GABARAPL2: variants seen among roughly 807,000 people sequenced by gnomAD.
GABARAPL2 encodes the protein GABA type A receptor associated protein like 2.
A neutral mutation model predicts 16.9 loss-of-function variants in GABARAPL2; 11 were observed. The observed-to-expected ratio is 0.65, with a 90% CI of 0.41 to 1.08. GABARAPL2 has a LOEUF of 1.08. Ranked by LOEUF, GABARAPL2 falls within the 50% of genes least tolerant of loss-of-function variation. The pLI is 0.00. For missense variants in GABARAPL2, 134 were observed against 142.5 expected, an observed-to-expected ratio of 0.94 and a Z score of 0.30; for synonymous variants, 57 against 50.7, an observed-to-expected ratio of 1.12 and a Z score of -0.53.
chr16:75,567,113 C>T (rs1193113226), intron 2 of GABARAPL2, among the ~76,000 whole-genome samples: 2 of 152,202 alleles, frequency 1.3e-5, no homozygotes, highest in African/African-American at 4.8e-5. Context: ...GCTGAATCTC[C>T]CGATCTAGGC....
At chr16:75,569,160 G>T (rs2080901094) in intron 3 of GABARAPL2, among the ~76,000 whole-genome samples, 1 of 152,248 alleles carries the variant, frequency 6.6e-6, no homozygotes, top group Admixed American at 6.5e-5. Flanking sequence ...GAAGAGGCCT[G>T]TGCCAAATTC....
At chr16:75,568,725 A>G (rs2080898141) in intron 3 of GABARAPL2, among the ~76,000 whole-genome samples, 2 of 152,354 alleles carry the variant, frequency 1.3e-5, no homozygotes, top group Admixed American at 6.5e-5. Context: ...GTCTCTTTAC[A>G]GACTTATACC....
intron 3 of GABARAPL2, 134 bp from the exon 4 acceptor site, chr16:75,577,145 T>C: frequency 1.6e-6 from 1 of 623,540 alleles, no homozygotes; most frequent in Non-Finnish European, 2.9e-6. Flanking sequence ...TTTCTCTTGC[T>C]TTAAAACAGG....
Position 75,577,596 on chromosome 16 carries a change from T to G in GABARAPL2, c.*227T>G. On this transcript the variant is annotated 3_prime_UTR_variant, in exon 4 of 4. Transcript: ENST00000037243. ...GTGCATTGTCCTCATGCCTGTATTC[T>G]CCAGGAAACTTGTCCTTCTGGAAAT... 2.4e-6 allele frequency: 1 copy of G among 415,492 alleles called. No homozygotes were observed. Among genetic ancestry groups the G allele is most frequent in the Non-Finnish European group, 4.3e-6 (1 of 231,378 alleles). The allele number at this position is 415,492 out of a possible 1,614,324, so 25.7% of individuals were successfully genotyped here. A position where few individuals can be genotyped will look rare whatever the true frequency, so the allele number is the denominator to read the frequency against.
chr16:75,577,121 C>A, intron 3 of GABARAPL2, 158 bp from the exon 4 acceptor site: 1 of 568,902 alleles, frequency 1.8e-6, no homozygotes, highest in East Asian at 2.9e-5. Context: ...TTATTTTAAT[C>A]TTTTTATGGC....
intron 3 of GABARAPL2, chr16:75,572,119 G>C (rs1041967312): frequency 6.6e-6 from 1 of 152,042 alleles, no homozygotes; most frequent in African/African-American, 2.4e-5. Flanking sequence ...CCAAGATCAC[G>C]CCACTGCACT....
intron 2 of GABARAPL2, among the ~76,000 whole-genome samples, chr16:75,567,795 T>A (rs935894816): frequency 1.3e-5 from 2 of 152,222 alleles, no homozygotes; most frequent in Non-Finnish European, 2.9e-5. Flanking sequence ...AGCTTAGTGG[T>A]AAGGGCTGCA....
At chr16:75,574,454 T>G (rs980318843) in intron 3 of GABARAPL2, among the ~76,000 whole-genome samples, 3 of 152,192 alleles carry the variant, frequency 2.0e-5, no homozygotes, top group Non-Finnish European at 2.9e-5. Flanking sequence ...AAGATCACCC[T>G]GGACACTTGG....
chr16:75,566,607 G>C, intron 1 of GABARAPL2, 87 bp downstream of exon 1: 2 of 1,449,352 alleles, frequency 1.4e-6, no homozygotes, highest in African/African-American at 1.4e-5. Flanking sequence ...GGGCCGAGTG[G>C]AGCGGGGCGG....
rs749670434 is a variant in GABARAPL2 at position 75,568,110 on chromosome 16, T to C, written c.164T>C (p.Ile55Thr). Reference sequence around the variant, plus strand: ...CGGAAGTACTTGGTTCCATCTGATATCACTGTGGCTCAGTTCATGTGGATC... The same window carrying C: ...CGGAAGTACTTGGTTCCATCTGATACCACTGTGGCTCAGTTCATGTGGATC... ...DKRKYLVPSD[I>T]TVAQFMWIIR... is the part of the protein sequence containing the mutation. The change falls in exon 3 of 4, where the codon ATC becomes ACC. Residue 55 changes from isoleucine (I) to threonine (T), a missense_variant. Transcript: ENST00000037243. 1.1e-5 allele frequency: 18 copies of C among 1,612,116 alleles called. No individual in the cohort carries two copies. The highest frequency in any genetic ancestry group is 1.3e-5 in the Non-Finnish European group (15 of 1,178,144).
rs530402750 is a variant in GABARAPL2 at position 75,570,483 on chromosome 16, G to A, written c.263+2274G>A. On this transcript the variant is annotated intron_variant, in intron 3 of 3. Coordinates refer to ENST00000037243, the MANE Select transcript of GABARAPL2 (RefSeq NM_007285.7). ...GCATGGAGCCTCCCTTAACCTTCAT[G>A]CAGTGCTTGCTGGCTTCAAAGAGTG... Among the ~76,000 whole-genome samples, 11 of 152,250 alleles carry A rather than the reference G, an allele frequency of 7.2e-5. No individual in the cohort carries two copies. In the South Asian group the frequency reaches 2.3e-3, roughly 32 times the overall value.
At chr16:75,572,561 A>G (rs2080922012) in intron 3 of GABARAPL2, 1 of 152,288 alleles carries the variant, frequency 6.6e-6, no homozygotes, top group Non-Finnish European at 1.5e-5. Context: ...CTTGAGTCAC[A>G]TGGCCATTCC....
Position 75,567,059 on chromosome 16 carries a change from G to A in GABARAPL2, c.90+152G>A. 1.3e-5 allele frequency: 9 copies of A among 675,104 alleles called. 1 individual carries two copies. Among genetic ancestry groups the A allele is most frequent in the South Asian group, 1.2e-4 (7 of 59,834 alleles). The allele number at this position is 675,104 out of a possible 1,614,324, so 41.8% of individuals were successfully genotyped here. On this transcript the variant is annotated intron_variant, in intron 2 of 3. Transcript: ENST00000037243. ...GACCGGGATGAGGCCGCCCAGGGCCGGGGCGTGAGGGGCTCGGGCTGGTGC... is the reference window on the plus strand; with the variant it reads ...GACCGGGATGAGGCCGCCCAGGGCCAGGGCGTGAGGGGCTCGGGCTGGTGC...
chr16:75,573,645 C>T (rs946325571), intron 3 of GABARAPL2, among the ~76,000 whole-genome samples: 2 of 152,246 alleles, frequency 1.3e-5, no homozygotes, highest in African/African-American at 2.4e-5. Flanking sequence ...GATGCAGAGA[C>T]TGGCAGCAGT....
intron 1 of GABARAPL2, 101 bp from the exon 2 acceptor site, chr16:75,566,751 A>G (rs2080885529): frequency 3.3e-6 from 4 of 1,202,624 alleles, no homozygotes; most frequent in Non-Finnish European, 4.9e-6. Context: ...CGCCGGAACC[A>G]GGGCCTGGGT....
At chr16:75,569,596 G>A (rs1455173439) in intron 3 of GABARAPL2, among the ~76,000 whole-genome samples, 1 of 152,154 alleles carries the variant, frequency 6.6e-6, no homozygotes, top group Non-Finnish European at 1.5e-5. Context: ...CTTCCTGGAG[G>A]TGTTGGCTTA....
chr16:75,568,074 A>G lies in GABARAPL2; in HGVS notation c.128A>G (p.Asp43Gly). 1.2e-6 allele frequency: 2 copies of G among 1,609,968 alleles called. No individual in the cohort carries two copies. Among genetic ancestry groups the G allele is most frequent in the Non-Finnish European group, 1.7e-6 (2 of 1,176,516 alleles). The change falls in exon 3 of 4, where the codon GAC becomes GGC. Residue 43 changes from aspartate (D) to glycine (G), a missense_variant. Asp to Gly is a moderately conservative substitution (Grantham distance 94, BLOSUM62 -1). Coordinates refer to ENST00000037243, the MANE Select transcript of GABARAPL2 (RefSeq NM_007285.7). ...VEKVSGSQIV[D>G]IDKRKYLVPS... is the part of the protein sequence containing the mutation. ...AAGGTCTCAGGCTCTCAGATTGTTG[A>G]CATTGACAAACGGAAGTACTTGGTT...
At chr16:75,568,814 G>C (rs1372395784) in intron 3 of GABARAPL2, among the ~76,000 whole-genome samples, 1 of 152,226 alleles carries the variant, frequency 6.6e-6, no homozygotes, top group Non-Finnish European at 1.5e-5. Flanking sequence ...CTTGTGGCCT[G>C]AATGTAGGCA....
intron 3 of GABARAPL2, chr16:75,576,624 G>A (rs764594892): frequency 2.6e-5 from 4 of 152,194 alleles, no homozygotes; most frequent in Admixed American, 6.5e-5. Context: ...TCTGGAGCTG[G>A]TCCAACTCAG....
Sources: allele counts gnomAD v4.1 joint callset (sites outside exome capture counted in the v4.1 genomes callset), GRCh38; gene constraint gnomAD v4.1.1; transcripts MANE v1.5; gene names NCBI Gene and HGNC (gene_info 2026-07-23, HGNC 2026-07-21).